CLYBL: variants seen among roughly 807,000 people sequenced by gnomAD.
CLYBL encodes the protein citramalyl-CoA lyase, mitochondrial.
Under a neutral mutation model 38.9 loss-of-function variants are expected in CLYBL, and 31 were observed. The ratio of observed to expected loss-of-function variants is 0.80; its 90% CI spans 0.60 to 1.08. CLYBL has a LOEUF of 1.08. CLYBL is among the 50% of genes least tolerant of loss of function. The pLI is 0.00. For synonymous variants in CLYBL, 171 were observed against 158.6 expected (o/e 1.08, Z -0.59); for missense variants, 434 against 411.6 (o/e 1.05, Z -0.47).
At chr13:99,699,007 C>A (rs1323618025) in intron 1 of CLYBL, among the ~76,000 whole-genome samples, 1 of 152,070 alleles carries the variant, frequency 6.6e-6, no homozygotes, top group African/African-American at 2.4e-5. Flanking sequence ...CACTGATGTT[C>A]TATGAAAGAG....
At chr13:99,873,720 C>CA (rs1470186373) in intron 7 of CLYBL, among the ~76,000 whole-genome samples, 2 of 152,160 alleles carry the variant, frequency 1.3e-5, no homozygotes, top group African/African-American at 4.8e-5. Flanking sequence ...AGTGCTGAGC[C>CA]ATTTGTGTTT....
chr13:99,792,388 C>T (rs2049935375), intron 2 of CLYBL, among the ~76,000 whole-genome samples: 1 of 152,230 alleles, frequency 6.6e-6, no homozygotes, highest in South Asian at 2.1e-4. Context: ...GTAGAGGGGG[C>T]AGGGGAAGCA....
chr13:99,699,991 A>G (rs550067471), intron 1 of CLYBL, among the ~76,000 whole-genome samples: 1 of 152,016 alleles, frequency 6.6e-6, no homozygotes, highest in East Asian at 1.9e-4. Flanking sequence ...GACTCCATCT[A>G]AAAAAGTAAA....
chr13:99,692,319 T>C (rs1343783584), intron 1 of CLYBL, among the ~76,000 whole-genome samples: 2 of 151,196 alleles, frequency 1.3e-5, no homozygotes, highest in Non-Finnish European at 2.9e-5. Flanking sequence ...TTTGAGACAG[T>C]CTTGCTCAGT....
intron 1 of CLYBL, 135 bp downstream of exon 1, chr13:99,606,892 C>G (rs2046533665): frequency 7.9e-7 from 1 of 1,260,824 alleles, no homozygotes; most frequent in Non-Finnish European, 1.0e-6. Flanking sequence ...CCATGCGCCT[C>G]CCACGCGCTG....
chr13:99,719,086 C>T (rs373275925), intron 1 of CLYBL, among the ~76,000 whole-genome samples: 3 of 151,696 alleles, frequency 2.0e-5, no homozygotes, highest in South Asian at 4.2e-4. Context: ...CTCCCAACCT[C>T]AGGTAAGCTG....
chr13:99,743,012 C>G (rs2048782993), intron 1 of CLYBL, among the ~76,000 whole-genome samples: 1 of 150,544 alleles, frequency 6.6e-6, no homozygotes, highest in African/African-American at 2.4e-5. Context: ...GGGTAGCGGG[C>G]TTTTTGTTTG....
intron 2 of CLYBL, among the ~76,000 whole-genome samples, chr13:99,832,135 T>G (rs920670806): frequency 2.0e-5 from 3 of 152,260 alleles, no homozygotes; most frequent in African/African-American, 7.2e-5. Flanking sequence ...GGAATGATTT[T>G]TAACAGCACA....
At chr13:99,692,292 T>TTG (rs1555353019) in intron 1 of CLYBL, among the ~76,000 whole-genome samples, 12 of 134,612 alleles carry the variant, frequency 8.9e-5, no homozygotes, top group African/African-American at 3.0e-4. Flanking sequence ...TTTTGTTTTT[T>TTG]TTTTTTTGTT....
chr13:99,707,519 C>T (rs2048164728), intron 1 of CLYBL, among the ~76,000 whole-genome samples: 1 of 152,064 alleles, frequency 6.6e-6, no homozygotes, highest in African/African-American at 2.4e-5. Context: ...TGATCTGCCC[C>T]CCTCGGCCTC....
At chr13:99,759,216 A>G (rs2049120256) in intron 1 of CLYBL, among the ~76,000 whole-genome samples, 1 of 152,236 alleles carries the variant, frequency 6.6e-6, no homozygotes, top group African/African-American at 2.4e-5. Context: ...AACAAAATAG[A>G]GGCAATAAAG....
At chr13:99,650,136 G>A (rs983398268) in intron 1 of CLYBL, among the ~76,000 whole-genome samples, 5 of 151,900 alleles carry the variant, frequency 3.3e-5, no homozygotes, top group South Asian at 2.1e-4. Flanking sequence ...GGTGGCGGGC[G>A]CCTATAGTCC....
Position 99,606,707 on chromosome 13 carries a change from T to C in CLYBL, c.12T>C (p.Arg4=), listed in dbSNP as rs902432915. 1.3e-6 allele frequency: 2 copies of C among 1,493,014 alleles called. No individual in the cohort carries two copies. Among genetic ancestry groups the C allele is most frequent in the African/African-American group, 1.5e-5 (1 of 68,480 alleles). 92.5% of individuals were successfully genotyped at this position (1,493,014 alleles called of 1,614,324 possible). The change falls in exon 1 of 9, where the codon CGT becomes CGC. Residue 4 remains arginine, a synonymous_variant. Transcript: ENST00000339105. ...CGCGCGTCGGGAAGATGGCGCTACG[T>C]CTGCTGCGGAGGGCGGCGCGCGGAG... The part of the protein sequence containing the change: MAL[R]LLRRAARGAA...
chr13:99,691,452 C>T (rs557539318), intron 1 of CLYBL, among the ~76,000 whole-genome samples: 22 of 152,110 alleles, frequency 1.4e-4, no homozygotes, highest in South Asian at 2.1e-4. Flanking sequence ...TGTTGGTGCT[C>T]CCCAAAGGAT....
At chr13:99,833,349 A>G (rs559269468) in intron 2 of CLYBL, among the ~76,000 whole-genome samples, 5 of 151,864 alleles carry the variant, frequency 3.3e-5, no homozygotes, top group Middle Eastern at 3.4e-3. Flanking sequence ...CCAGTAGTTT[A>G]TATTTTTATT....
chr13:99,637,385 C>G (rs887591303), intron 1 of CLYBL, among the ~76,000 whole-genome samples: 2 of 152,196 alleles, frequency 1.3e-5, no homozygotes, highest in Non-Finnish European at 2.9e-5. Context: ...TCTGTCAAAT[C>G]CAGTCTTTCC....
At chr13:99,776,648 G>T (rs2049524371) in intron 2 of CLYBL, among the ~76,000 whole-genome samples, 1 of 151,608 alleles carries the variant, frequency 6.6e-6, no homozygotes, top group Non-Finnish European at 1.5e-5. Flanking sequence ...AATTTGACAT[G>T]CACATCATAT....
At chr13:99,864,261 T>C (rs1057414941) in intron 4 of CLYBL, among the ~76,000 whole-genome samples, 8 of 152,252 alleles carry the variant, frequency 5.3e-5, no homozygotes, top group Admixed American at 4.6e-4. Flanking sequence ...TTCACGGTTA[T>C]GTCTACGACG....
downstream of CLYBL, chr13:99,893,633 G>A: frequency 6.6e-6 from 1 of 152,670 alleles, no homozygotes; most frequent in Non-Finnish European, 1.5e-5. Flanking sequence ...GGCTTGAGGG[G>A]ATGAAGGGCT....
Sources: gnomAD v4.1 joint callset for allele counts (sites outside exome capture counted in the v4.1 genomes callset) on GRCh38, gnomAD v4.1.1 for gene constraint, MANE v1.5 for transcripts, NCBI Gene and HGNC (gene_info 2026-07-23, HGNC 2026-07-21) for gene names.